CDH13: variants seen among roughly 807,000 people sequenced by gnomAD.
CDH13 encodes cadherin 13.
Under a neutral mutation model 63.8 loss-of-function variants are expected in CDH13, and 24 were observed. That is an observed-to-expected ratio of 0.38 (90% CI 0.27 to 0.53). The LOEUF is 0.53. Ranked by LOEUF, CDH13 falls within the 20% of genes least tolerant of loss-of-function variation. The probability of loss-of-function intolerance (pLI) is 0.85; values close to 1 mark genes in which losing one functional copy is unlikely to be tolerated. For missense variants in CDH13, 1,049 were observed against 903.1 expected (o/e 1.16, Z -2.07); for synonymous variants, 503 against 355.3 (o/e 1.42, Z -4.67).
At chr16:83,162,999 A>C (rs1478935056) in intron 4 of CDH13, among the ~76,000 whole-genome samples, 1 of 152,134 alleles carries the variant, frequency 6.6e-6, no homozygotes, top group Non-Finnish European at 1.5e-5. Context: ...GTGTCGTAGG[A>C]GGAACCTGGT....
At chr16:83,238,699 C>A (rs1023211896) in intron 5 of CDH13, among the ~76,000 whole-genome samples, 1 of 151,940 alleles carries the variant, frequency 6.6e-6, no homozygotes, top group African/African-American at 2.4e-5. Flanking sequence ...AAAGTCAAAT[C>A]TTTCAGAAAT....
At chr16:83,401,880 T>C (rs924080554) in intron 6 of CDH13, among the ~76,000 whole-genome samples, 8 of 152,242 alleles carry the variant, frequency 5.3e-5, no homozygotes, top group South Asian at 2.1e-4. Flanking sequence ...ATTTTTTGTA[T>C]GATTTTAATC....
chr16:82,872,308 C>G (rs2040368657), intron 2 of CDH13, among the ~76,000 whole-genome samples: 1 of 152,202 alleles, frequency 6.6e-6, no homozygotes, highest in Admixed American at 6.5e-5. Context: ...CTATCAAATT[C>G]TAAGTGCTGC....
intron 4 of CDH13, among the ~76,000 whole-genome samples, chr16:83,147,875 A>G (rs2036817365): frequency 6.6e-6 from 1 of 152,078 alleles, no homozygotes; most frequent in Non-Finnish European, 1.5e-5. Context: ...TGTAACTACA[A>G]ATTCAATGGA....
intron 3 of CDH13, among the ~76,000 whole-genome samples, chr16:83,101,001 C>T (rs996604078): frequency 1.3e-5 from 2 of 152,040 alleles, no homozygotes; most frequent in African/African-American, 4.8e-5. Context: ...CTATATGATT[C>T]AGATCCTTTA....
intron 10 of CDH13, among the ~76,000 whole-genome samples, chr16:83,698,834 A>C (rs1905778884): frequency 6.6e-6 from 1 of 152,260 alleles, no homozygotes; most frequent in South Asian, 2.1e-4. Flanking sequence ...TCTGTGTCTC[A>C]GCTACTCAAC....
At chr16:82,934,387 C>G (rs2042598625) in intron 2 of CDH13, among the ~76,000 whole-genome samples, 1 of 152,164 alleles carries the variant, frequency 6.6e-6, no homozygotes, top group Non-Finnish European at 1.5e-5. Flanking sequence ...TTAGGCTGCA[C>G]ACAGCTGGGG....
intron 7 of CDH13, among the ~76,000 whole-genome samples, chr16:83,518,335 C>T (rs186679413): frequency 5.3e-5 from 8 of 151,122 alleles, no homozygotes; most frequent in South Asian, 4.2e-4. Flanking sequence ...TTAGTAGAGA[C>T]GGGGTTTCAT....
intron 3 of CDH13, among the ~76,000 whole-genome samples, chr16:83,035,217 G>C (rs1916740961): frequency 6.6e-6 from 1 of 152,198 alleles, no homozygotes; most frequent in Non-Finnish European, 1.5e-5. Flanking sequence ...GTGCAGCCAA[G>C]TGGGCCAGCT....
intron 4 of CDH13, among the ~76,000 whole-genome samples, chr16:83,196,004 C>T (rs900802627): frequency 4.6e-5 from 7 of 152,106 alleles, no homozygotes; most frequent in Non-Finnish European, 8.8e-5. Flanking sequence ...AACTGTAATC[C>T]CAGCACTTTG....
At chr16:82,641,323 G>A (rs1597193149) in intron 1 of CDH13, among the ~76,000 whole-genome samples, 1 of 152,142 alleles carries the variant, frequency 6.6e-6, no homozygotes, top group Non-Finnish European at 1.5e-5. Flanking sequence ...AAATGGAAAG[G>A]TATGGCAAGT....
intron 10 of CDH13, among the ~76,000 whole-genome samples, chr16:83,733,837 C>G (rs1911278728): frequency 6.6e-6 from 1 of 152,216 alleles, no homozygotes. Context: ...CCTGTCCAGA[C>G]ACCACCATGC....
rs185214746 is a variant in CDH13 at position 82,930,370 on chromosome 16, C to T, written c.157+71897C>T. On this transcript the variant is annotated intron_variant, in intron 2 of 13. Coordinates refer to ENST00000567109, the MANE Select transcript of CDH13 (RefSeq NM_001257.5). ...AATACTGTAATAGATCAACAGCTAA[C>T]ATTTAACAGAGATGCACCAGGTACT... Among the ~76,000 whole-genome samples, 623 of 152,256 alleles carry T rather than the reference C, an allele frequency of 4.1e-3. 1 individual carries two copies. Among genetic ancestry groups the T allele is most frequent in the Non-Finnish European group, 7.1e-3 (482 of 68,018 alleles).
intron 3 of CDH13, among the ~76,000 whole-genome samples, chr16:83,093,472 C>A (rs1320241458): frequency 6.6e-6 from 1 of 151,692 alleles, no homozygotes; most frequent in East Asian, 1.9e-4. Flanking sequence ...GCACCCACCA[C>A]CATGCCTGGC....
intron 2 of CDH13, among the ~76,000 whole-genome samples, chr16:82,992,254 G>A (rs1244032128): frequency 2.0e-5 from 3 of 152,196 alleles, no homozygotes; most frequent in African/African-American, 7.2e-5. Flanking sequence ...TTTGTGAAAT[G>A]AAGAGCTTGG....
chr16:83,788,654 T>C (rs16961797), intron 13 of CDH13, among the ~76,000 whole-genome samples: 19,690 of 152,126 alleles, frequency 0.13, 2,128 homozygotes, highest in African/African-American at 0.3. Flanking sequence ...CAGAATTGCC[T>C]GATAATCCCT....
chr16:82,647,103 G>T (rs1247961677), intron 1 of CDH13, among the ~76,000 whole-genome samples: 3 of 152,220 alleles, frequency 2.0e-5, no homozygotes, highest in Non-Finnish European at 4.4e-5. Flanking sequence ...CTCTGCCACT[G>T]TAGGGCTGTG....
chr16:83,710,203 G>T lies in CDH13; in HGVS notation c.1538+31742G>T, dbSNP rs547022461. The T allele has an allele frequency of 3.3e-5, 5 of 152,336 alleles. No homozygotes were observed. The South Asian group carries it at 1.0e-3, about 32-fold the overall frequency. The allele number at this position is 152,336 out of a possible 1,614,324, so 9.4% of individuals were successfully genotyped here. A position where few individuals can be genotyped will look rare whatever the true frequency, so the allele number is the denominator to read the frequency against. ...GATGTCAGGGGGGACAATTGAAGTT[G>T]CCGCTTCTCCACTCTCCCCAATTAG... On this transcript the variant is annotated intron_variant, in intron 10 of 13. Transcript: ENST00000567109.
chr16:83,511,399 T>C (rs1472021691), intron 7 of CDH13, among the ~76,000 whole-genome samples: 1 of 151,984 alleles, frequency 6.6e-6, no homozygotes. Flanking sequence ...GAGGCCAAGG[T>C]TGCAGTGAGC....
Sources: allele counts gnomAD v4.1 joint callset (sites outside exome capture counted in the v4.1 genomes callset), GRCh38; gene constraint gnomAD v4.1.1; transcripts MANE v1.5; gene names NCBI Gene and HGNC (gene_info 2026-07-23, HGNC 2026-07-21).